SLC16A12: variants seen among roughly 807,000 people sequenced by gnomAD.
SLC16A12 encodes solute carrier family 16 member 12, also known as monocarboxylate transporter 12.
Under a neutral mutation model 42.4 loss-of-function variants are expected in SLC16A12, and 17 were observed. That is an observed-to-expected ratio of 0.40 (90% CI 0.27 to 0.60). The LOEUF is 0.60. SLC16A12 is among the 20% of genes least tolerant of loss of function. SLC16A12 has a pLI of 0.42. For missense variants in SLC16A12, 544 were observed against 623.0 expected (o/e 0.87, Z 1.35); for synonymous variants, 224 against 229.4 (o/e 0.98, Z 0.21).
intron 2 of SLC16A12, among the ~76,000 whole-genome samples, chr10:89,487,024 T>G (rs1327292140): frequency 6.6e-6 from 1 of 152,188 alleles, no homozygotes; most frequent in Non-Finnish European, 1.5e-5. Flanking sequence ...ATACACCCTT[T>G]CACTTCCAAT....
At chr10:89,524,492 C>T (rs546826079) in intron 2 of SLC16A12, among the ~76,000 whole-genome samples, 4 of 152,178 alleles carry the variant, frequency 2.6e-5, no homozygotes, top group Non-Finnish European at 5.9e-5. Context: ...CCCACCTCAG[C>T]GCTTTTGCAC....
chr10:89,449,766 A>C lies in SLC16A12; in HGVS notation c.201-5907T>G, dbSNP rs188007121. ...AGCCAAAATTGACAAATGGAATCTA[A>C]TTAAACTAAAGAGCTTCTGCACAGC... On this transcript the variant is annotated intron_variant, in intron 3 of 7. Transcript: ENST00000371790. 1.7e-4 allele frequency among the ~76,000 whole-genome samples: 26 copies of C among 152,356 alleles called. No homozygotes were observed. The East Asian group carries it at 4.8e-3, about 28-fold the overall frequency.
chr10:89,499,456 A>G (rs1414117021), intron 2 of SLC16A12, among the ~76,000 whole-genome samples: 2 of 152,202 alleles, frequency 1.3e-5, no homozygotes, highest in East Asian at 3.9e-4. Flanking sequence ...CGGGAGGCTG[A>G]GGCAGGAGAA....
intron 2 of SLC16A12, among the ~76,000 whole-genome samples, chr10:89,473,207 TA>T (rs1239420903): frequency 6.6e-6 from 1 of 151,706 alleles, no homozygotes; most frequent in Non-Finnish European, 1.5e-5. Context: ...AAAGCCAAAA[TA>T]TTTTTAAAAG....
At chr10:89,554,024 GAGAGAAAGGAAGAAAGA>G in intron 2 of SLC16A12, among the ~76,000 whole-genome samples, 2 of 140,446 alleles carry the variant, frequency 1.4e-5, no homozygotes, top group African/African-American at 5.4e-5. Context: ...GAGAAAGAAA[GAGAGAAAGGAAGAAAGA>G]AAGAAAGAAA....
chr10:89,440,695 C>T (rs1841893554), intron 5 of SLC16A12, among the ~76,000 whole-genome samples: 1 of 152,114 alleles, frequency 6.6e-6, no homozygotes, highest in African/African-American at 2.4e-5. Flanking sequence ...AAATTAGAAA[C>T]TCCCATTTAT....
chr10:89,435,684 AG>A (rs1158805291), intron 7 of SLC16A12, among the ~76,000 whole-genome samples: 1 of 152,182 alleles, frequency 6.6e-6, no homozygotes, highest in Admixed American at 6.5e-5. Flanking sequence ...TTATAATTTC[AG>A]CCTCATCACC....
chr10:89,485,491 TC>T (rs1842730464), intron 2 of SLC16A12, among the ~76,000 whole-genome samples: 1 of 152,216 alleles, frequency 6.6e-6, no homozygotes, highest in African/African-American at 2.4e-5. Flanking sequence ...CCAATGTTCT[TC>T]ACGTCCACTT....
chr10:89,447,305 T>C (rs1015768186), intron 3 of SLC16A12, among the ~76,000 whole-genome samples: 4 of 152,210 alleles, frequency 2.6e-5, no homozygotes, highest in South Asian at 2.1e-4. Context: ...AGAATATACA[T>C]TCTTCTCAGT....
chr10:89,442,414 C>T (rs1841927515), intron 4 of SLC16A12, among the ~76,000 whole-genome samples: 1 of 152,162 alleles, frequency 6.6e-6, no homozygotes, highest in Non-Finnish European at 1.5e-5. Flanking sequence ...ACCATATTGA[C>T]TGTGTGACCA....
Position 89,481,678 on chromosome 10 carries a change from A to AGAGTGTGT in SLC16A12, c.-46-19055_-46-19054insACACACTC, listed in dbSNP as rs771386614. 1.4e-4 allele frequency among the ~76,000 whole-genome samples: 20 copies of AGAGTGTGT among 143,982 alleles called. 1 individual carries two copies. Among genetic ancestry groups the AGAGTGTGT allele is most frequent in the African/African-American group, 4.6e-4 (18 of 39,366 alleles). 94.5% of individuals were successfully genotyped at this position (143,982 alleles called of 152,430 possible). On this transcript the variant is annotated intron_variant, in intron 2 of 7. Coordinates refer to ENST00000371790, the MANE Select transcript of SLC16A12 (RefSeq NM_213606.4). Reference sequence around the variant, plus strand: ...GTGTGTGTGTGTGAGAGAGAGAGAGAGTGTGTGTGTGTGTGTGTGTGTGTG... The same window carrying AGAGTGTGT: ...GTGTGTGTGTGTGAGAGAGAGAGAGAGAGTGTGTGTGTGTGTGTGTGTGTGTGTGTGTG...
At chr10:89,468,606 A>G (rs185743268) in intron 2 of SLC16A12, among the ~76,000 whole-genome samples, 1 of 152,332 alleles carries the variant, frequency 6.6e-6, no homozygotes, top group African/African-American at 2.4e-5. Context: ...AGGTTATCAC[A>G]AGGTTATATG....
At chr10:89,526,438 G>A (rs1843453890) in intron 2 of SLC16A12, among the ~76,000 whole-genome samples, 1 of 152,058 alleles carries the variant, frequency 6.6e-6, no homozygotes, top group South Asian at 2.1e-4. Flanking sequence ...TGCTTACTTG[G>A]TTATCTCTCC....
intron 2 of SLC16A12, among the ~76,000 whole-genome samples, chr10:89,506,522 G>A (rs1276550957): frequency 2.0e-5 from 3 of 152,050 alleles, no homozygotes; most frequent in East Asian, 1.9e-4. Context: ...GAAAGGAATA[G>A]CATCAACATC....
Position 89,462,320 on chromosome 10 carries a change from A to G in SLC16A12, c.200+59T>C. The G allele has an allele frequency of 1.9e-6, 3 of 1,610,240 alleles. No homozygotes were observed. In the South Asian group the frequency reaches 3.3e-5, roughly 18 times the overall value. On this transcript the variant is annotated intron_variant, in intron 3 of 7. Coordinates refer to ENST00000371790, the MANE Select transcript of SLC16A12 (RefSeq NM_213606.4). ...TGGGTTCAGAAAGAGAATGAAGCAG[A>G]TTTAAAAGAAAAGACAGGCCAGGTC...
rs759964745 is a variant in SLC16A12 at position 89,439,077 on chromosome 10, A to G, written c.555T>C (p.Ile185=). ...AYGIAMSGSG[I]GTFILAPVVQ... is the part of the protein sequence containing the mutation. Reference sequence around the variant, plus strand: ...CCACAGGAGCCAGGATGAAGGTGCCAATGCCACTTCCTGACATGGCGATAC... The same window carrying G: ...CCACAGGAGCCAGGATGAAGGTGCCGATGCCACTTCCTGACATGGCGATAC... Residue 185 remains isoleucine, a synonymous_variant, in exon 6 of 8, where the codon ATT becomes ATC. Coordinates refer to ENST00000371790, the MANE Select transcript of SLC16A12 (RefSeq NM_213606.4). 2 of 1,613,336 alleles carry G rather than the reference A, an allele frequency of 1.2e-6. No homozygotes were observed. Among genetic ancestry groups the G allele is most frequent in the East Asian group, 4.5e-5 (2 of 44,888 alleles).
intron 2 of SLC16A12, among the ~76,000 whole-genome samples, chr10:89,549,009 T>C (rs72816768): frequency 0.063 from 9,596 of 152,190 alleles, 510 homozygotes; most frequent in East Asian, 0.29. Context: ...TTGCAAATCA[T>C]TGAATGAGAT....
chr10:89,474,458 A>C (rs1035828200), intron 2 of SLC16A12, among the ~76,000 whole-genome samples: 1 of 152,256 alleles, frequency 6.6e-6, no homozygotes, highest in Non-Finnish European at 1.5e-5. Context: ...ATAAGAAATA[A>C]AAGTGTAAAT....
intron 2 of SLC16A12, among the ~76,000 whole-genome samples, chr10:89,496,810 T>G (rs1052700670): frequency 1.6e-4 from 24 of 152,112 alleles, no homozygotes; most frequent in African/African-American, 5.8e-4. Flanking sequence ...AAGACGTTAT[T>G]AAGACAATAA....
Sources: gnomAD v4.1 joint callset for allele counts (sites outside exome capture counted in the v4.1 genomes callset) on GRCh38, gnomAD v4.1.1 for gene constraint, MANE v1.5 for transcripts, NCBI Gene and HGNC (gene_info 2026-07-23, HGNC 2026-07-21) for gene names.